ERICH1: variants seen among roughly 807,000 people sequenced by gnomAD.
ERICH1 encodes the protein glutamate rich 1, also known as glutamate-rich protein 1.
A neutral mutation model predicts 39.6 loss-of-function variants in ERICH1; 56 were observed. The observed-to-expected ratio is 1.41, with a 90% CI of 1.14 to 1.77. The LOEUF (loss-of-function observed/expected upper bound fraction) is 1.77, where lower values mean the gene tolerates loss of function less well. Among genes scored for constraint, ERICH1 ranks in the 40% most tolerant of loss-of-function variants. ERICH1 has a pLI of 0.00. For missense variants in ERICH1, 826 were observed against 575.4 expected, an observed-to-expected ratio of 1.44 and a Z score of -4.45; for synonymous variants, 313 against 223.6, an observed-to-expected ratio of 1.40 and a Z score of -3.57.
chr8:620,355 G>T (rs1013083365), intron 3 of ERICH1, among the ~76,000 whole-genome samples: 2 of 152,000 alleles, frequency 1.3e-5, no homozygotes, highest in Non-Finnish European at 2.9e-5. Context: ...AAAGCATAAT[G>T]TTAGATATAA....
At chr8:686,585 G>C (rs1391861147) in intron 3 of ERICH1, 1 of 152,224 alleles carries the variant, frequency 6.6e-6, no homozygotes, top group African/African-American at 2.4e-5. Context: ...CATTAAGTCC[G>C]GGAAGAATCC....
intron 3 of ERICH1, among the ~76,000 whole-genome samples, chr8:630,919 A>AG: frequency 6.9e-6 from 1 of 145,732 alleles, no homozygotes; most frequent in Non-Finnish European, 1.5e-5. Flanking sequence ...CCCTCCCGTG[A>AG]CCACCCACAC....
At chr8:729,677 C>G (rs1365286344) in intron 1 of ERICH1, among the ~76,000 whole-genome samples, 1 of 152,002 alleles carries the variant, frequency 6.6e-6, no homozygotes, top group Non-Finnish European at 1.5e-5. Context: ...CCACAATGTC[C>G]TTAAACAACG....
intron 3 of ERICH1, among the ~76,000 whole-genome samples, chr8:682,039 C>T (rs1268497879): frequency 6.7e-6 from 1 of 149,124 alleles, no homozygotes; most frequent in Non-Finnish European, 1.5e-5. Context: ...TCCACCCCCA[C>T]CCTGCCCCTT....
chr8:616,153 A>G lies in ERICH1; in HGVS notation c.977-869T>C, dbSNP rs187911631. 15 of 181,480 alleles carry G rather than the reference A, an allele frequency of 8.3e-5. No individual in the cohort carries two copies. In the East Asian group the frequency reaches 2.1e-3, roughly 25 times the overall value. 11.2% of individuals were successfully genotyped at this position (181,480 alleles called of 1,614,324 possible). On this transcript the variant is annotated intron_variant, in intron 3 of 3. Coordinates refer to the ERICH1 transcript ENST00000522706. ...TTTTCTCTGTAATGATAAGTTATTA[A>G]TAAGTATATTAAACTCAAGGGTACA...
chr8:689,528 C>T (rs959806172), intron 3 of ERICH1, among the ~76,000 whole-genome samples: 4 of 152,220 alleles, frequency 2.6e-5, no homozygotes, highest in African/African-American at 9.6e-5. Context: ...CACCCCTTGT[C>T]TCCTCCTGGA....
chr8:724,403 G>T (rs771770447), intron 1 of ERICH1, among the ~76,000 whole-genome samples: 4 of 152,148 alleles, frequency 2.6e-5, no homozygotes, highest in Non-Finnish European at 5.9e-5. Context: ...GTCGTATCAC[G>T]AAGCGTTCAC....
chr8:630,015 A>G (rs12548752), intron 3 of ERICH1, among the ~76,000 whole-genome samples: 578 of 33,360 alleles, frequency 0.017, 1 homozygote, highest in Middle Eastern at 0.056. Context: ...CACACAGACA[A>G]AGCTGACTCA....
intron 1 of ERICH1, among the ~76,000 whole-genome samples, chr8:722,698 C>T (rs996553247): frequency 6.6e-6 from 1 of 152,274 alleles, no homozygotes; most frequent in Non-Finnish European, 1.5e-5. Flanking sequence ...TCTAAAATTT[C>T]AAAACTTTTG....
intron 2 of ERICH1, among the ~76,000 whole-genome samples, chr8:704,833 C>G (rs1812900937): frequency 6.6e-6 from 1 of 152,050 alleles, no homozygotes; most frequent in Non-Finnish European, 1.5e-5. Context: ...GTGGTTTTAC[C>G]CAGGAGCAGC....
At chr8:670,154 G>C (rs1049976274) in intron 4 of ERICH1, among the ~76,000 whole-genome samples, 1 of 152,214 alleles carries the variant, frequency 6.6e-6, no homozygotes, top group South Asian at 2.1e-4. Flanking sequence ...CTCATTTGCT[G>C]TTTCCCTGTC....
At chr8:634,602 T>C (rs575128842) in intron 3 of ERICH1, among the ~76,000 whole-genome samples, 2 of 152,102 alleles carry the variant, frequency 1.3e-5, no homozygotes, top group African/African-American at 4.8e-5. Context: ...GTGCCATGCG[T>C]GCAGTAGGTG....
intron 3 of ERICH1, among the ~76,000 whole-genome samples, chr8:632,171 C>T (rs942264495): frequency 2.0e-5 from 3 of 152,138 alleles, no homozygotes; most frequent in Non-Finnish European, 4.4e-5. Context: ...GTGACTTTTC[C>T]TCAGTCTTGA....
intron 1 of ERICH1, among the ~76,000 whole-genome samples, chr8:729,263 G>A (rs1202994299): frequency 6.6e-6 from 1 of 152,178 alleles, no homozygotes; most frequent in Non-Finnish European, 1.5e-5. Flanking sequence ...TGCGTCTTGT[G>A]GCACCTGCCT....
intron 1 of ERICH1, among the ~76,000 whole-genome samples, chr8:729,420 C>T (rs958293260): frequency 6.6e-5 from 10 of 152,194 alleles, no homozygotes; most frequent in African/African-American, 2.4e-4. Context: ...TAACTTCACT[C>T]GTTGCAAGCC....
intron 2 of ERICH1, among the ~76,000 whole-genome samples, chr8:701,221 G>A (rs1222338425): frequency 1.3e-5 from 2 of 152,130 alleles, no homozygotes; most frequent in African/African-American, 4.8e-5. Flanking sequence ...CTGCTGGACG[G>A]GAGCACGCCG....
intron 3 of ERICH1, among the ~76,000 whole-genome samples, chr8:633,701 C>G (rs566915605): frequency 2.5e-4 from 38 of 152,296 alleles, no homozygotes; most frequent in Admixed American, 3.9e-4. Flanking sequence ...ACCAAGGGAA[C>G]AGAGGCGAGG....
At chr8:724,690 T>A (rs988004023) in intron 1 of ERICH1, among the ~76,000 whole-genome samples, 1 of 152,240 alleles carries the variant, frequency 6.6e-6, no homozygotes, top group African/African-American at 2.4e-5. Context: ...TCCAATATTG[T>A]TATTTTTTCC....
chr8:637,908 C>T (rs1024149514), intron 3 of ERICH1, among the ~76,000 whole-genome samples: 2 of 152,226 alleles, frequency 1.3e-5, no homozygotes, highest in Admixed American at 6.5e-5. Flanking sequence ...TGCAGGCAGC[C>T]GAACAAAATG....
Sources: allele counts gnomAD v4.1 joint callset (sites outside exome capture counted in the v4.1 genomes callset), GRCh38; gene constraint gnomAD v4.1.1; transcripts MANE v1.5; gene names NCBI Gene and HGNC (gene_info 2026-07-23, HGNC 2026-07-21).